SRGAP3: variants seen among roughly 807,000 people sequenced by gnomAD.
The protein encoded by SRGAP3 is SLIT-ROBO Rho GTPase-activating protein 3.
SRGAP3 carries 39 observed loss-of-function variants against 121.1 expected under a neutral mutation model. The observed-to-expected ratio is 0.32, with a 90% CI of 0.25 to 0.42. SRGAP3 has a LOEUF of 0.42. SRGAP3 is among the 10% of genes least tolerant of loss of function. SRGAP3 has a pLI of 1.00. For missense variants in SRGAP3, 1,213 were observed against 1,470.6 expected (o/e 0.82, Z 2.86); for synonymous variants, 601 against 570.0 (o/e 1.05, Z -0.77).
At chr3:9,181,120 G>A (rs1215518786) in intron 1 of SRGAP3, among the ~76,000 whole-genome samples, 1 of 152,202 alleles carries the variant, frequency 6.6e-6, no homozygotes, top group Non-Finnish European at 1.5e-5. Context: ...TGTAAAATAA[G>A]AAGCATAATA....
At chr3:9,174,451 G>C (rs1951101580) in intron 1 of SRGAP3, among the ~76,000 whole-genome samples, 1 of 152,192 alleles carries the variant, frequency 6.6e-6, no homozygotes, top group African/African-American at 2.4e-5. Flanking sequence ...AGGAAACGGA[G>C]GGAGAAAGCA....
chr3:9,328,366 C>A (rs558880010), intron 2 of SRGAP3, among the ~76,000 whole-genome samples: 89 of 152,250 alleles, frequency 5.8e-4, no homozygotes, highest in African/African-American at 2.0e-3. Flanking sequence ...TGGTTATAGG[C>A]TTTATGGTGG....
intron 7 of SRGAP3, 69 bp from the exon 8 acceptor site, chr3:9,056,403 G>A (rs1474733816): frequency 2.6e-6 from 4 of 1,515,786 alleles, no homozygotes; most frequent in East Asian, 4.6e-5. Context: ...CTAGGGCAGG[G>A]GCTACCATTA....
chr3:8,985,180 G>C lies in SRGAP3; in HGVS notation c.*339C>G, dbSNP rs777396931. ...CACATCGATATACACACACATATAC[G>C]TATGTAGAGAGAATGTCGAGAGAGG... On this transcript the variant is annotated 3_prime_UTR_variant, in exon 22 of 22. Transcript: ENST00000383836. The surrounding 1 kb of genome is among the most constrained non-coding windows in gnomAD (Gnocchi z 5.1). 2.3e-6 allele frequency: 1 copy of C among 430,862 alleles called. No individual in the cohort carries two copies. 26.7% of individuals were successfully genotyped at this position (430,862 alleles called of 1,614,324 possible).
At chr3:9,223,244 G>T (rs1952872166) in intron 1 of SRGAP3, among the ~76,000 whole-genome samples, 1 of 152,162 alleles carries the variant, frequency 6.6e-6, no homozygotes, top group South Asian at 2.1e-4. Context: ...GGGCTGATTG[G>T]TTACAACAAA....
chr3:8,988,662 A>G (rs904037862), intron 21 of SRGAP3, among the ~76,000 whole-genome samples: 2 of 152,186 alleles, frequency 1.3e-5, no homozygotes, highest in Admixed American at 6.5e-5. Context: ...CACAGTGCAC[A>G]TCTTTTAAAG....
In SRGAP3 at chr3:8,984,638, A is replaced by T. The variant is rs1257995317; in HGVS notation, c.*881T>A. ...CTACACACAAACACAAGGATGTGGT[A>T]GTCAGGGGTCTTCTCGCCAACCTTC... On this transcript the variant is annotated 3_prime_UTR_variant, in exon 22 of 22. Coordinates refer to ENST00000383836, the MANE Select transcript of SRGAP3 (RefSeq NM_014850.4). 9 of 232,470 alleles carry T rather than the reference A, an allele frequency of 3.9e-5. No individual in the cohort carries two copies. The highest frequency in any genetic ancestry group is 6.1e-5 in the East Asian group (1 of 16,498). The allele number at this position is 232,470 out of a possible 1,614,324, so 14.4% of individuals were successfully genotyped here.
rs1200232892 is a variant in SRGAP3, at chr3:9,155,193, CAGTT to C, written c.68-30280_68-30277del. The stretch of plus-strand genomic sequence containing the variant: ...TAGCTGAGCGTGGAGTTCTGGCTGA[CAGTT>C]AGACTCCCTCAGCATTTTCAGGATT... On this transcript the variant is annotated intron_variant, in intron 1 of 21. Transcript: ENST00000383836. 5.3e-5 allele frequency among the ~76,000 whole-genome samples: 8 copies of C among 152,296 alleles called. No individual in the cohort carries two copies. In the East Asian group the frequency reaches 1.2e-3, roughly 22 times the overall value.
At chr3:9,151,741 C>T (rs1027502209) in intron 1 of SRGAP3, among the ~76,000 whole-genome samples, 2 of 152,154 alleles carry the variant, frequency 1.3e-5, no homozygotes, top group African/African-American at 4.8e-5. Context: ...AAGTGGCTGT[C>T]AGACATGGTA....
intron 3 of SRGAP3, among the ~76,000 whole-genome samples, chr3:9,257,947 C>T (rs1670794207): frequency 6.6e-6 from 1 of 152,104 alleles, no homozygotes; most frequent in South Asian, 2.1e-4. Context: ...TTGTGATCCA[C>T]CTGCCTTGGT....
chr3:9,162,218 G>A (rs1050620192), intron 1 of SRGAP3, among the ~76,000 whole-genome samples: 1 of 152,152 alleles, frequency 6.6e-6, no homozygotes, highest in African/African-American at 2.4e-5. Flanking sequence ...ATGGATGTAG[G>A]TGACAGTTGC....
chr3:9,234,748 C>T (rs976930128), intron 1 of SRGAP3, among the ~76,000 whole-genome samples: 1 of 152,110 alleles, frequency 6.6e-6, no homozygotes, highest in African/African-American at 2.4e-5. Context: ...ACAAGCAATC[C>T]GGAATCCAAA....
chr3:9,025,215 C>T, intron 14 of SRGAP3, 46 bp downstream of exon 14: 9 of 1,601,870 alleles, frequency 5.6e-6, no homozygotes, highest in Non-Finnish European at 4.3e-6. Context: ...AATATTCACC[C>T]TGGCTTCCCC....
chr3:9,009,477 G>C (rs1295935091), intron 18 of SRGAP3, among the ~76,000 whole-genome samples: 1 of 152,178 alleles, frequency 6.6e-6, no homozygotes, highest in Admixed American at 6.5e-5. Context: ...AACTGCATTA[G>C]TATAAAGACA....
At chr3:9,049,363 A>G in intron 9 of SRGAP3, 1 of 455,948 alleles carries the variant, frequency 2.2e-6, no homozygotes, top group Non-Finnish European at 4.4e-6. Flanking sequence ...GGCCATTAAG[A>G]GTCACTCGAC....
rs544484313 is a variant in SRGAP3, at chr3:9,090,280, C to T, written c.424-10193G>A. 2.5e-4 allele frequency among the ~76,000 whole-genome samples: 38 copies of T among 152,062 alleles called. No individual in the cohort carries two copies. The South Asian group carries it at 5.2e-3, about 21-fold the overall frequency. On this transcript the variant is annotated intron_variant, in intron 3 of 21. Coordinates refer to ENST00000383836, the MANE Select transcript of SRGAP3 (RefSeq NM_014850.4). Reference sequence around the variant, plus strand: ...GGCTTTAAAGAGTTTCCCACAATGCCGATTACGAAGACCTGCATACAAAAG... The same window carrying T: ...GGCTTTAAAGAGTTTCCCACAATGCTGATTACGAAGACCTGCATACAAAAG...
chr3:9,011,690 C>A (rs1217819872), intron 17 of SRGAP3, among the ~76,000 whole-genome samples: 1 of 152,178 alleles, frequency 6.6e-6, no homozygotes, highest in Non-Finnish European at 1.5e-5. Context: ...CAGGGGTCAA[C>A]CTTGTTTGGT....
intron 1 of SRGAP3, among the ~76,000 whole-genome samples, chr3:9,159,361 C>T (rs1448086836): frequency 1.3e-5 from 2 of 152,208 alleles, no homozygotes; most frequent in African/African-American, 4.8e-5. Flanking sequence ...CTTACCTCCC[C>T]CGGCCAGCTC....
Position 8,991,522 on chromosome 3 carries a change from G to C in SRGAP3, c.2559-683C>G, listed in dbSNP as rs1559855379. 3.3e-5 allele frequency among the ~76,000 whole-genome samples: 5 copies of C among 152,338 alleles called. No homozygotes were observed. The South Asian group carries it at 8.3e-4, about 25-fold the overall frequency. ...ATTAGGTTGTGTTTCAGGAAGGTGA[G>C]TTCTTGCCCTGTGTCTGCCGCGTGC... is the stretch of plus-strand genomic sequence containing the variant. On this transcript the variant is annotated intron_variant, in intron 20 of 21. Coordinates refer to ENST00000383836, the MANE Select transcript of SRGAP3 (RefSeq NM_014850.4).
Sources: allele counts gnomAD v4.1 joint callset (sites outside exome capture counted in the v4.1 genomes callset), GRCh38; gene constraint gnomAD v4.1.1; non-coding constraint Gnocchi (gnomAD v3.1); transcripts MANE v1.5; gene names NCBI Gene and HGNC (gene_info 2026-07-23, HGNC 2026-07-21).